ECPAS: variants seen among roughly 807,000 people sequenced by gnomAD.
The protein encoded by ECPAS is Ecm29 proteasome adaptor and scaffold, also known as proteasome adapter and scaffold protein ECM29.
Under a neutral mutation model 255.1 loss-of-function variants are expected in ECPAS, and 70 were observed. The observed-to-expected ratio is 0.27, with a 90% confidence interval of 0.23 to 0.33. ECPAS has a LOEUF of 0.33. ECPAS is among the 10% of genes least tolerant of loss of function. The pLI, the probability that ECPAS is intolerant of heterozygous loss-of-function variation, is 1.00. For synonymous variants in ECPAS, 784 were observed against 775.0 expected, an observed-to-expected ratio of 1.01 and a Z score of -0.19; for missense variants, 1,817 against 2,206.4, an observed-to-expected ratio of 0.82 and a Z score of 3.54.
chr9:111,466,230 G>A (rs544243550), intron 2 of ECPAS, among the ~76,000 whole-genome samples: 7 of 152,166 alleles, frequency 4.6e-5, no homozygotes, highest in South Asian at 4.1e-4. Flanking sequence ...AAGTGATCAC[G>A]AGGTCAGGAG....
chr9:111,469,258 G>T (rs967582535), intron 2 of ECPAS, among the ~76,000 whole-genome samples: 2 of 152,112 alleles, frequency 1.3e-5, no homozygotes, highest in African/African-American at 4.8e-5. Flanking sequence ...AAGCAGCCGG[G>T]TGCAGTGGCT....
chr9:111,377,995 A>T (rs934380659), intron 36 of ECPAS, among the ~76,000 whole-genome samples: 13 of 152,028 alleles, frequency 8.6e-5, no homozygotes, highest in Admixed American at 2.0e-4. Context: ...AAATACAAAA[A>T]ATCAGCTGGG....
chr9:111,463,113 C>A (rs2098275176), intron 2 of ECPAS, among the ~76,000 whole-genome samples: 1 of 152,150 alleles, frequency 6.6e-6, no homozygotes, highest in Non-Finnish European at 1.5e-5. Flanking sequence ...GGCTTAAAAA[C>A]AACCAACATT....
At chr9:111,478,325 G>A (rs1435661494) in intron 1 of ECPAS, among the ~76,000 whole-genome samples, 3 of 148,356 alleles carry the variant, frequency 2.0e-5, no homozygotes, top group South Asian at 2.4e-4. Context: ...TCAGGAGTTC[G>A]AGACCAGCCT....
At chr9:111,384,811 T>C (rs1283111830) in intron 33 of ECPAS, among the ~76,000 whole-genome samples, 1 of 152,216 alleles carries the variant, frequency 6.6e-6, no homozygotes, top group Admixed American at 6.5e-5. Context: ...AAAATTTAGC[T>C]ATTAACAGTT....
At chr9:111,393,077 T>C (rs1396979218) in intron 27 of ECPAS, among the ~76,000 whole-genome samples, 195 bp from the exon 28 acceptor site, 1 of 152,206 alleles carries the variant, frequency 6.6e-6, no homozygotes, top group Admixed American at 6.5e-5. Flanking sequence ...CAAGTTACTG[T>C]AAATGAGAAC....
At chr9:111,476,716 G>A (rs2098296738) in intron 1 of ECPAS, among the ~76,000 whole-genome samples, 1 of 151,984 alleles carries the variant, frequency 6.6e-6, no homozygotes, top group South Asian at 2.1e-4. Flanking sequence ...AGGCTGGAGT[G>A]CAGTGGCACA....
chr9:111,433,124 C>T, intron 8 of ECPAS, 109 bp downstream of exon 8: 1 of 1,093,160 alleles, frequency 9.1e-7, no homozygotes, highest in Non-Finnish European at 1.3e-6. Context: ...TAATAATCTC[C>T]TCTAAGTTGA....
At chr9:111,440,910 A>T (rs1378934757) in intron 5 of ECPAS, among the ~76,000 whole-genome samples, 2 of 152,138 alleles carry the variant, frequency 1.3e-5, no homozygotes, top group Non-Finnish European at 2.9e-5. Flanking sequence ...CATGCCTGTA[A>T]TCCCAGTACT....
Position 111,361,919 on chromosome 9 carries a change from A to C in ECPAS, c.*111T>G. 1 of 1,185,776 alleles carries C rather than the reference A, an allele frequency of 8.4e-7. No individual in the cohort carries two copies. The highest frequency in any genetic ancestry group is 1.2e-6 in the Non-Finnish European group (1 of 865,260). The allele number at this position is 1,185,776 out of a possible 1,614,324, so 73.5% of individuals were successfully genotyped here. On this transcript the variant is annotated 3_prime_UTR_variant, in exon 50 of 50. Transcript: ENST00000684092. ...TTTTTCTTTTTATTTCAGCCAAGGA[A>C]TGATGCATGCTACAGATTAATCTTT...
chr9:111,476,057 C>A (rs2098295889), intron 1 of ECPAS, among the ~76,000 whole-genome samples: 1 of 152,218 alleles, frequency 6.6e-6, no homozygotes, highest in South Asian at 2.1e-4. Context: ...TCAGAAGACA[C>A]CTGACATGCT....
chr9:111,414,338 G>A (rs990012199), intron 19 of ECPAS, 91 bp downstream of exon 19: 5 of 1,109,988 alleles, frequency 4.5e-6, no homozygotes, highest in Non-Finnish European at 6.5e-6. Context: ...AGAAGAAAAA[G>A]AATAATTTTG....
At chr9:111,383,453 T>TGTAGTGTCAGA in intron 34 of ECPAS, 121 bp from the exon 35 acceptor site, 1 of 1,294,008 alleles carries the variant, frequency 7.7e-7, no homozygotes, top group Non-Finnish European at 1.1e-6. Flanking sequence ...CTACTTTCTC[T>TGTAGTGTCAGA]GACACTACAG....
intron 1 of ECPAS, among the ~76,000 whole-genome samples, chr9:111,478,260 G>A (rs533573225): frequency 1.3e-5 from 2 of 151,996 alleles, no homozygotes; most frequent in African/African-American, 4.8e-5. Context: ...CGGACACAGT[G>A]GCTCACGCCT....
chr9:111,435,768 C>T (rs2098237189), intron 7 of ECPAS, among the ~76,000 whole-genome samples: 1 of 151,108 alleles, frequency 6.6e-6, no homozygotes, highest in African/African-American at 2.4e-5. Flanking sequence ...CAAGCTCTGC[C>T]TCCTGGGTTC....
intron 3 of ECPAS, among the ~76,000 whole-genome samples, chr9:111,447,435 T>G (rs1468102794): frequency 6.6e-6 from 1 of 152,174 alleles, no homozygotes; most frequent in African/African-American, 2.4e-5. Flanking sequence ...TTAAATGGAT[T>G]AATTACTTAA....
chr9:111,461,401 G>T (rs1189928341), intron 2 of ECPAS, among the ~76,000 whole-genome samples: 1 of 152,080 alleles, frequency 6.6e-6, no homozygotes, highest in African/African-American at 2.4e-5. Context: ...GGAGGTAGAG[G>T]TTGCAGTGAG....
intron 6 of ECPAS, among the ~76,000 whole-genome samples, chr9:111,439,427 G>C (rs12344026): frequency 0.15 from 23,503 of 151,792 alleles, 2,501 homozygotes; most frequent in East Asian, 0.34. Context: ...TGCCATGAGG[G>C]CTGACTAATT....
At chr9:111,483,328 G>C (rs1450606552) in intron 1 of ECPAS, among the ~76,000 whole-genome samples, 1 of 151,542 alleles carries the variant, frequency 6.6e-6, no homozygotes, top group Admixed American at 6.6e-5. Flanking sequence ...ACAAACGCCA[G>C]CGGCGACGGT....
Sources: gnomAD v4.1 joint callset for allele counts (sites outside exome capture counted in the v4.1 genomes callset) on GRCh38, gnomAD v4.1.1 for gene constraint, MANE v1.5 for transcripts, NCBI Gene and HGNC (gene_info 2026-07-23, HGNC 2026-07-21) for gene names.